Variants in TAF1B observed in about 807,000 individuals in gnomAD.
TAF1B encodes TATA-box binding protein associated factor, RNA polymerase I subunit B.
A neutral mutation model predicts 83.9 loss-of-function variants in TAF1B; 61 were observed. That is an observed-to-expected ratio of 0.73 (90% CI 0.59 to 0.90). The LOEUF (loss-of-function observed/expected upper bound fraction) is 0.90, where lower values mean the gene tolerates loss of function less well. Among genes scored for constraint, TAF1B ranks in the 40% least tolerant of loss-of-function variants. The pLI is 0.00. For missense variants in TAF1B, 625 were observed against 677.0 expected (o/e 0.92, Z 0.85); for synonymous variants, 221 against 224.6 (o/e 0.98, Z 0.14).
chr2:9,907,628 C>G (rs1665385973), intron 9 of TAF1B, among the ~76,000 whole-genome samples: 1 of 152,074 alleles, frequency 6.6e-6, no homozygotes, highest in Non-Finnish European at 1.5e-5. Flanking sequence ...CACTCTCCAC[C>G]CTCTACTATG....
intron 8 of TAF1B, among the ~76,000 whole-genome samples, chr2:9,884,259 G>T (rs1443937683): frequency 1.3e-5 from 2 of 152,336 alleles, no homozygotes; most frequent in South Asian, 2.1e-4. Context: ...GAACCACAGG[G>T]CCTCAAAGAG....
chr2:9,929,269 C>G (rs9750782), intron 14 of TAF1B, among the ~76,000 whole-genome samples: 7,379 of 152,246 alleles, frequency 0.048, 235 homozygotes, highest in Non-Finnish European at 0.073. Flanking sequence ...CGCCATTCTC[C>G]TACCTCAGCC....
chr2:9,901,295 A>G (rs1291815103), intron 8 of TAF1B, among the ~76,000 whole-genome samples: 2 of 152,214 alleles, frequency 1.3e-5, no homozygotes, highest in Non-Finnish European at 2.9e-5. Context: ...AATCTGTAAT[A>G]CTGAATTGAG....
intron 8 of TAF1B, among the ~76,000 whole-genome samples, chr2:9,890,770 CTT>C (rs376615818): frequency 6.6e-6 from 1 of 152,140 alleles, no homozygotes; most frequent in African/African-American, 2.4e-5. Context: ...AATTTACTCT[CTT>C]ATTTTATTTT....
chr2:9,876,975 G>A (rs775331210), intron 7 of TAF1B, among the ~76,000 whole-genome samples: 8 of 152,268 alleles, frequency 5.3e-5, no homozygotes, highest in Non-Finnish European at 7.4e-5. Flanking sequence ...TTGATTAAAT[G>A]TAATGCCTCC....
At chr2:9,927,782 G>A (rs967705500) in intron 14 of TAF1B, among the ~76,000 whole-genome samples, 13 of 152,120 alleles carry the variant, frequency 8.5e-5, no homozygotes, top group Admixed American at 7.2e-4. Context: ...TTGTCAGATG[G>A]GTAGATTGAA....
intron 14 of TAF1B, among the ~76,000 whole-genome samples, chr2:9,921,559 C>CA (rs1322274238): frequency 6.6e-6 from 1 of 152,130 alleles, no homozygotes; most frequent in Non-Finnish European, 1.5e-5. Flanking sequence ...TAGATAGATA[C>CA]AAAGGTAACT....
intron 7 of TAF1B, among the ~76,000 whole-genome samples, chr2:9,878,387 C>G (rs930971401): frequency 2.0e-5 from 3 of 152,012 alleles, no homozygotes; most frequent in Non-Finnish European, 4.4e-5. Flanking sequence ...CATGCCTGGC[C>G]CAGAGGATTC....
At chr2:9,891,126 T>G (rs1318790516) in intron 8 of TAF1B, among the ~76,000 whole-genome samples, 2 of 152,252 alleles carry the variant, frequency 1.3e-5, no homozygotes, top group African/African-American at 2.4e-5. Flanking sequence ...ACTGTTTCAG[T>G]CAACAATGGA....
intron 14 of TAF1B, among the ~76,000 whole-genome samples, chr2:9,922,798 G>A (rs1469849890): frequency 2.0e-5 from 3 of 152,152 alleles, no homozygotes; most frequent in Non-Finnish European, 4.4e-5. Flanking sequence ...TGCCCACCAA[G>A]TATTTATTGA....
At chr2:9,858,209 C>G (rs72782621) in intron 5 of TAF1B, among the ~76,000 whole-genome samples, 27,319 of 152,106 alleles carry the variant, frequency 0.18, 3,119 homozygotes, top group East Asian at 0.31. Context: ...ATAAATTGGC[C>G]AAAACAAAGG....
intron 4 of TAF1B, among the ~76,000 whole-genome samples, chr2:9,852,943 A>G (rs1663445466): frequency 6.6e-6 from 1 of 152,254 alleles, no homozygotes. Context: ...TGCATGGCCT[A>G]AATGGATGCT....
At chr2:9,843,598 G>A in intron 1 of TAF1B, 39 bp downstream of exon 1, 2 of 1,480,624 alleles carry the variant, frequency 1.4e-6, no homozygotes, top group African/African-American at 1.5e-5. Flanking sequence ...CGATCGCCGG[G>A]GCCGGAGGAG....
At position 9,910,674 on chromosome 2, in the gene TAF1B, A is replaced by T; in HGVS notation, c.956-62A>T. 13 of 1,447,422 alleles carry T rather than the reference A, an allele frequency of 9.0e-6. No individual in the cohort carries two copies. The South Asian group carries it at 1.7e-4, about 19-fold the overall frequency. 89.7% of individuals were successfully genotyped at this position (1,447,422 alleles called of 1,614,324 possible). On this transcript the variant is annotated intron_variant, in intron 9 of 14. Transcript: ENST00000263663. ...TTTTAAGATAAAGGTTATTTTATGGATATATACATTGGGGATGGTCTAGTT... is the reference window on the plus strand; with the variant it reads ...TTTTAAGATAAAGGTTATTTTATGGTTATATACATTGGGGATGGTCTAGTT...
At chr2:9,862,641 G>T (rs1663813245) in intron 5 of TAF1B, among the ~76,000 whole-genome samples, 1 of 152,110 alleles carries the variant, frequency 6.6e-6, no homozygotes, top group Non-Finnish European at 1.5e-5. Context: ...ACACATAATT[G>T]TCAGATTCAC....
At chr2:9,855,777 C>G (rs1010362359) in intron 5 of TAF1B, among the ~76,000 whole-genome samples, 1 of 152,170 alleles carries the variant, frequency 6.6e-6, no homozygotes, top group African/African-American at 2.4e-5. Context: ...TTACATTAGA[C>G]TACAGTTGGG....
chr2:9,890,962 G>A (rs1334483433), intron 8 of TAF1B, among the ~76,000 whole-genome samples: 2 of 152,004 alleles, frequency 1.3e-5, no homozygotes, highest in Non-Finnish European at 2.9e-5. Context: ...AGTAGAGATG[G>A]GGTTTCTCCA....
chr2:9,906,208 C>T (rs986497337), intron 9 of TAF1B, among the ~76,000 whole-genome samples: 2 of 152,110 alleles, frequency 1.3e-5, no homozygotes, highest in African/African-American at 4.8e-5. Flanking sequence ...AGCAAGCAAG[C>T]ATCTATGTCA....
chr2:9,866,095 T>A (rs1283703795), intron 5 of TAF1B, among the ~76,000 whole-genome samples: 1 of 150,288 alleles, frequency 6.7e-6, no homozygotes, highest in Admixed American at 6.6e-5. Flanking sequence ...TGGGATCTAA[T>A]TAAACTAAAG....
Sources: gnomAD v4.1 joint callset for allele counts (sites outside exome capture counted in the v4.1 genomes callset) on GRCh38, gnomAD v4.1.1 for gene constraint, MANE v1.5 for transcripts, NCBI Gene and HGNC (gene_info 2026-07-23, HGNC 2026-07-21) for gene names.